DOP1B: variants seen among roughly 807,000 people sequenced by gnomAD.
DOP1B encodes DOP1 leucine zipper like protein B.
Under a neutral mutation model 233.5 loss-of-function variants are expected in DOP1B, and 174 were observed. That is an observed-to-expected ratio of 0.75 (90% CI 0.66 to 0.85). DOP1B has a LOEUF of 0.85. DOP1B is among the 40% of genes least tolerant of loss of function. The probability of loss-of-function intolerance (pLI) is 0.00; values close to 1 mark genes in which losing one functional copy is unlikely to be tolerated. For synonymous variants in DOP1B, 1,190 were observed against 1,185.6 expected (o/e 1.00, Z -0.08); for missense variants, 2,652 against 2,846.6 (o/e 0.93, Z 1.56).
rs1442262303 is a variant in DOP1B at position 36,227,396 on chromosome 21, A to C, written c.1474-290A>C. Among the ~76,000 whole-genome samples, 13 of 150,426 alleles carry C rather than the reference A, an allele frequency of 8.6e-5. 1 individual carries two copies. The East Asian group carries it at 1.8e-3, about 21-fold the overall frequency. ...CCCCATCTCTACTAAACATACAAAA[A>C]ATTAGCCGGGCGTGGTGGTGGGCAC... On this transcript the variant is annotated intron_variant, in intron 12 of 36. Coordinates refer to ENST00000691173, the MANE Select transcript of DOP1B (RefSeq NM_001320714.2).
intron 2 of DOP1B, among the ~76,000 whole-genome samples, chr21:36,167,475 G>A (rs956150025): frequency 3.3e-5 from 5 of 152,048 alleles, no homozygotes; most frequent in Non-Finnish European, 7.4e-5. Context: ...GTGCCCAGCC[G>A]AACAGCATAT....
At chr21:36,281,429 T>G (rs1249607496) in intron 31 of DOP1B, 54 bp from the exon 32 acceptor site, 4 of 1,518,722 alleles carry the variant, frequency 2.6e-6, no homozygotes, top group Non-Finnish European at 3.6e-6. Flanking sequence ...TTCCCATCAC[T>G]TCCCTCCAAT....
Position 36,238,711 on chromosome 21 carries a change from C to T in DOP1B, c.2876+10C>T. 1.2e-6 allele frequency: 2 copies of T among 1,613,742 alleles called. No homozygotes were observed. Among genetic ancestry groups the T allele is most frequent in the East Asian group, 2.2e-5 (1 of 44,872 alleles). On this transcript the variant is annotated intron_variant, in intron 17 of 36. Transcript: ENST00000691173. ...ATCGCTCCTTTGATAGGTGAGGCGG[C>T]CTTCGTTATGATCTACCGTTAACTC...
At chr21:36,283,347 TG>T (rs1472852128) in intron 32 of DOP1B, among the ~76,000 whole-genome samples, 1 of 152,146 alleles carries the variant, frequency 6.6e-6, no homozygotes, top group African/African-American at 2.4e-5. Flanking sequence ...CCTCCCAAAG[TG>T]CTTGGATTAC....
At chr21:36,234,145 A>G (rs1410269158) in intron 15 of DOP1B, among the ~76,000 whole-genome samples, 4 of 152,040 alleles carry the variant, frequency 2.6e-5, no homozygotes, top group Non-Finnish European at 4.4e-5. Flanking sequence ...GGTGTGAGCC[A>G]CCGTGCCCAG....
intron 18 of DOP1B, among the ~76,000 whole-genome samples, chr21:36,240,727 CAATT>C (rs1224659689): frequency 6.6e-6 from 1 of 152,144 alleles, no homozygotes; most frequent in East Asian, 1.9e-4. Flanking sequence ...CCTGATGAGT[CAATT>C]AAACTTCAGT....
chr21:36,196,058 G>A (rs551618278), intron 2 of DOP1B, among the ~76,000 whole-genome samples: 2 of 152,378 alleles, frequency 1.3e-5, no homozygotes, highest in East Asian at 3.8e-4. Flanking sequence ...AGAAGAAAGG[G>A]ATCCTGCTGT....
chr21:36,262,816 G>A (rs184580344), intron 24 of DOP1B, among the ~76,000 whole-genome samples: 62 of 152,042 alleles, frequency 4.1e-4, no homozygotes, highest in Admixed American at 2.0e-4. Flanking sequence ...GCTTAAACCC[G>A]GGGGGCAGAG....
Position 36,225,475 on chromosome 21 carries a change from C to T in DOP1B, c.1371-90C>T, listed in dbSNP as rs2066671279. On this transcript the variant is annotated intron_variant, in intron 11 of 36. Coordinates refer to ENST00000691173, the MANE Select transcript of DOP1B (RefSeq NM_001320714.2). ...CAGACTCCTGAGCTCAGACAGTCCACCCATCTCGGCCTCCCAAAGTGTTAA... is the reference window on the plus strand; with the variant it reads ...CAGACTCCTGAGCTCAGACAGTCCATCCATCTCGGCCTCCCAAAGTGTTAA... 10 of 1,404,332 alleles carry T rather than the reference C, an allele frequency of 7.1e-6. No individual in the cohort carries two copies. The South Asian group carries it at 1.2e-4, about 17-fold the overall frequency. 87.0% of individuals were successfully genotyped at this position (1,404,332 alleles called of 1,614,324 possible).
intron 23 of DOP1B, among the ~76,000 whole-genome samples, chr21:36,259,304 T>G (rs2067143565): frequency 6.9e-6 from 1 of 145,168 alleles, no homozygotes; most frequent in Non-Finnish European, 1.5e-5. Context: ...GGAGTCTCGC[T>G]CTGTTGCCTA....
rs2066499786 is a variant in DOP1B at position 36,211,649 on chromosome 21, C to G, written c.778C>G (p.Leu260Val). 6.2e-7 allele frequency: 1 copy of G among 1,613,658 alleles called. No homozygotes were observed. The highest frequency in any genetic ancestry group is 1.3e-5 in the African/African-American group (1 of 74,892). ...GTTTTTCTTCCCATTTTATACCTGTCTGGTAAGTAATTTGTACTCTTCTGG... is the reference window on the plus strand; with the variant it reads ...GTTTTTCTTCCCATTTTATACCTGTGTGGTAAGTAATTTGTACTCTTCTGG... ...VLFFFPFYTCLDSNERAIPLL... is the reference protein window; with the variant it reads ...VLFFFPFYTCVDSNERAIPLL... Residue 260 changes from leucine (L) to valine (V), a missense_variant and splice_region_variant, in exon 6 of 37, where the codon CTG (leucine) becomes GTG (valine). Around this residue, in one of 3 missense-constraint regions of DOP1B, gnomAD observed 2,617 missense variants for 2,794.3 expected, o/e 0.94. Transcript: ENST00000691173.
At chr21:36,219,618 A>C in intron 10 of DOP1B, 126 bp downstream of exon 10, 1 of 1,319,654 alleles carries the variant, frequency 7.6e-7, no homozygotes, top group Non-Finnish European at 1.0e-6. Flanking sequence ...AGGTGAGACC[A>C]TTGGTGAAAA....
chr21:36,236,777 C>CTTTTTT (rs35374710), intron 15 of DOP1B, among the ~76,000 whole-genome samples: 138 of 118,526 alleles, frequency 1.2e-3, no homozygotes, highest in Admixed American at 2.1e-3. Context: ...TTTTCTTTTT[C>CTTTTTT]TTTTTTTTTT....
intron 36 of DOP1B, among the ~76,000 whole-genome samples, chr21:36,292,942 G>A (rs1007319962): frequency 6.6e-6 from 1 of 151,950 alleles, no homozygotes; most frequent in African/African-American, 2.4e-5. Flanking sequence ...TTATATTCAT[G>A]AGGCTGGTAA....
intron 1 of DOP1B, among the ~76,000 whole-genome samples, chr21:36,158,734 C>T (rs1376512491): frequency 1.4e-5 from 2 of 147,494 alleles, no homozygotes; most frequent in African/African-American, 5.0e-5. Context: ...ATCTAGGAGG[C>T]GCAGGTTGCA....
In DOP1B at chr21:36,254,972, C is replaced by G. The variant is rs148892726; in HGVS notation, c.5259+1063C>G. ...CTTTTTTTTTTTTTTTTTTTTGAGA[C>G]ACAGTTTCACTCTGTCACCCAGGCT... On this transcript the variant is annotated intron_variant, in intron 23 of 36. Coordinates refer to ENST00000691173, the MANE Select transcript of DOP1B (RefSeq NM_001320714.2). 5.5e-3 allele frequency among the ~76,000 whole-genome samples: 719 copies of G among 131,300 alleles called. 8 individuals carry two copies. Among genetic ancestry groups the G allele is most frequent in the African/African-American group, 0.02 (695 of 34,550 alleles). The allele number at this position is 131,300 out of a possible 152,430, so 86.1% of individuals were successfully genotyped here.
At chr21:36,229,974 CTTCA>C (rs938461624) in intron 13 of DOP1B, among the ~76,000 whole-genome samples, 24 of 151,168 alleles carry the variant, frequency 1.6e-4, no homozygotes, top group African/African-American at 5.8e-4. Context: ...TATTTTATTT[CTTCA>C]TACCTTTATT....
intron 30 of DOP1B, 143 bp downstream of exon 30, chr21:36,278,498 A>G: frequency 1.3e-6 from 1 of 768,342 alleles, no homozygotes; most frequent in Non-Finnish European, 2.1e-6. Context: ...ACAGGCTCGC[A>G]TGTTGACCAT....
At chr21:36,189,156 T>C (rs1369845038) in intron 2 of DOP1B, among the ~76,000 whole-genome samples, 1 of 152,200 alleles carries the variant, frequency 6.6e-6, no homozygotes, top group East Asian at 1.9e-4. Flanking sequence ...CAAAGATATT[T>C]TCTTGGGTGG....
Sources: allele counts gnomAD v4.1 joint callset (sites outside exome capture counted in the v4.1 genomes callset), GRCh38; gene constraint gnomAD v4.1.1; regional missense constraint gnomAD v4.1.1; transcripts MANE v1.5; gene names NCBI Gene and HGNC (gene_info 2026-07-23, HGNC 2026-07-21).